The following KIAA1328 variants were observed in gnomAD, a reference collection of about 807,000 sequenced individuals.
KIAA1328 encodes the protein KIAA1328.
A neutral mutation model predicts 68.1 loss-of-function variants in KIAA1328; 52 were observed. The observed-to-expected ratio is 0.76, with a 90% confidence interval of 0.61 to 0.96. KIAA1328 has a LOEUF of 0.96. KIAA1328 is among the 40% of genes least tolerant of loss of function. The pLI is 0.00. For synonymous variants in KIAA1328, 232 were observed against 239.4 expected (o/e 0.97, Z 0.28); for missense variants, 641 against 677.6 (o/e 0.95, Z 0.60).
chr18:37,100,112 A>G (rs141388294), intron 7 of KIAA1328, among the ~76,000 whole-genome samples: 1,994 of 152,252 alleles, frequency 0.013, 29 homozygotes, highest in Non-Finnish European at 0.02. Flanking sequence ...AAGACGGGTC[A>G]TTTCTGCATT....
chr18:36,869,276 A>G (rs1369326455), intron 4 of KIAA1328, among the ~76,000 whole-genome samples: 2 of 152,180 alleles, frequency 1.3e-5, no homozygotes, highest in Non-Finnish European at 2.9e-5. Context: ...TATCAAAAGA[A>G]TATCTTTTGA....
intron 7 of KIAA1328, among the ~76,000 whole-genome samples, chr18:37,103,195 T>C (rs2057674104): frequency 6.6e-6 from 1 of 151,972 alleles, no homozygotes; most frequent in Admixed American, 6.6e-5. Context: ...TCACAAAAGA[T>C]CCCAAATAGC....
intron 7 of KIAA1328, among the ~76,000 whole-genome samples, chr18:37,099,814 C>G (rs994839416): frequency 1.3e-5 from 2 of 152,134 alleles, no homozygotes; most frequent in Admixed American, 6.5e-5. Context: ...GAATTGATCC[C>G]TTTACCATTA....
chr18:36,892,280 T>G (rs2048716080), intron 5 of KIAA1328, among the ~76,000 whole-genome samples: 1 of 152,220 alleles, frequency 6.6e-6, no homozygotes, highest in South Asian at 2.1e-4. Flanking sequence ...TGTATCTTTC[T>G]GGCCCTTTAG....
At chr18:37,203,656 T>C (rs1263605786) in intron 9 of KIAA1328, among the ~76,000 whole-genome samples, 4 of 152,278 alleles carry the variant, frequency 2.6e-5, no homozygotes, top group Middle Eastern at 3.4e-3. Flanking sequence ...GAGGATAACA[T>C]CTGGTATATC....
At chr18:36,940,384 C>T (rs144231963) in intron 5 of KIAA1328, among the ~76,000 whole-genome samples, 9 of 152,296 alleles carry the variant, frequency 5.9e-5, no homozygotes, top group African/African-American at 2.2e-4. Flanking sequence ...GACTTCCTTC[C>T]TGACAGTAAG....
At chr18:37,144,354 AT>A (rs901586963) in intron 7 of KIAA1328, among the ~76,000 whole-genome samples, 1 of 150,436 alleles carries the variant, frequency 6.6e-6, no homozygotes, top group Non-Finnish European at 1.5e-5. Flanking sequence ...GGCCAATTTT[AT>A]GTTTCTTTTG....
intron 3 of KIAA1328, among the ~76,000 whole-genome samples, chr18:36,838,382 T>G (rs2046748981): frequency 4.6e-5 from 7 of 152,230 alleles, no homozygotes. Context: ...TAGTTACCAT[T>G]TCTGGTGTTT....
At chr18:37,077,953 G>T (rs551991053) in intron 7 of KIAA1328, among the ~76,000 whole-genome samples, 5 of 152,066 alleles carry the variant, frequency 3.3e-5, no homozygotes, top group Admixed American at 1.3e-4. Flanking sequence ...ACCAATGACT[G>T]TCTTCACAGA....
At chr18:37,027,358 G>T (rs2054626615) in intron 6 of KIAA1328, among the ~76,000 whole-genome samples, 1 of 152,040 alleles carries the variant, frequency 6.6e-6, no homozygotes, top group Non-Finnish European at 1.5e-5. Flanking sequence ...CACAGAATTG[G>T]AAAAAACTAC....
intron 6 of KIAA1328, among the ~76,000 whole-genome samples, chr18:37,002,913 C>T (rs2053642934): frequency 6.6e-6 from 1 of 152,070 alleles, no homozygotes; most frequent in Non-Finnish European, 1.5e-5. Context: ...AAAGAGGTGT[C>T]ACATTACCTG....
At chr18:37,213,504 T>G (rs1174340914) in intron 9 of KIAA1328, among the ~76,000 whole-genome samples, 1 of 152,242 alleles carries the variant, frequency 6.6e-6, no homozygotes, top group African/African-American at 2.4e-5. Context: ...CTGCATAGTA[T>G]TCCATGGTGT....
At chr18:36,914,380 A>G (rs1411133541) in intron 5 of KIAA1328, among the ~76,000 whole-genome samples, 2 of 152,204 alleles carry the variant, frequency 1.3e-5, no homozygotes, top group African/African-American at 4.8e-5. Context: ...GGAATTTTAT[A>G]AAACAAAAAT....
chr18:36,881,257 C>T lies in KIAA1328; in HGVS notation c.333-4300C>T, dbSNP rs573975094. The stretch of plus-strand genomic sequence containing the variant: ...TTCTTGAAAAATGGGTTTTATTCTT[C>T]GAGTTTTTAAAACAGTGTGTACTTT... On this transcript the variant is annotated intron_variant, in intron 4 of 9. Coordinates refer to ENST00000280020, the MANE Select transcript of KIAA1328 (RefSeq NM_020776.3). Among the ~76,000 whole-genome samples, 366 of 150,212 alleles carry T rather than the reference C, an allele frequency of 2.4e-3. 1 individual carries two copies. Among genetic ancestry groups the T allele is most frequent in the Non-Finnish European group, 2.2e-3 (149 of 67,700 alleles).
chr18:36,972,373 T>C (rs1046078874), intron 6 of KIAA1328, among the ~76,000 whole-genome samples: 1 of 152,170 alleles, frequency 6.6e-6, no homozygotes, highest in African/African-American at 2.4e-5. Flanking sequence ...TTTTTATACC[T>C]GAACTTCAAC....
At chr18:37,073,224 G>T (rs1043020746) in intron 7 of KIAA1328, among the ~76,000 whole-genome samples, 1 of 152,122 alleles carries the variant, frequency 6.6e-6, no homozygotes, top group African/African-American at 2.4e-5. Flanking sequence ...AGAGTGAACA[G>T]GTAACCCACA....
intron 6 of KIAA1328, among the ~76,000 whole-genome samples, chr18:37,001,712 G>C (rs1305324789): frequency 6.6e-6 from 1 of 152,008 alleles, no homozygotes; most frequent in Non-Finnish European, 1.5e-5. Context: ...ACATAAATCA[G>C]TAAATGTAGA....
At chr18:36,872,229 G>C (rs1408421107) in intron 4 of KIAA1328, among the ~76,000 whole-genome samples, 2 of 152,088 alleles carry the variant, frequency 1.3e-5, no homozygotes, top group Admixed American at 6.6e-5. Context: ...AGAGTTATAT[G>C]CTGGTCCAAG....
chr18:37,004,292 G>A (rs1332783371), intron 6 of KIAA1328, among the ~76,000 whole-genome samples: 4 of 151,838 alleles, frequency 2.6e-5, no homozygotes, highest in Non-Finnish European at 5.9e-5. Flanking sequence ...CCTTGTAGGG[G>A]TCTTTCACCT....
Sources: gnomAD v4.1 joint callset for allele counts (sites outside exome capture counted in the v4.1 genomes callset) on GRCh38, gnomAD v4.1.1 for gene constraint, MANE v1.5 for transcripts, NCBI Gene and HGNC (gene_info 2026-07-23, HGNC 2026-07-21) for gene names.